The following MAP2K6 variants were observed in gnomAD, a reference collection of about 807,000 sequenced individuals.
MAP2K6 encodes the protein dual specificity mitogen-activated protein kinase kinase 6.
Under a neutral mutation model 53.7 loss-of-function variants are expected in MAP2K6, and 16 were observed. The observed-to-expected ratio is 0.30, with a 90% CI of 0.20 to 0.45. MAP2K6 has a LOEUF of 0.45. Among genes scored for constraint, MAP2K6 ranks in the 20% least tolerant of loss-of-function variants. The pLI is 1.00. For missense variants in MAP2K6, 204 were observed against 411.9 expected (o/e 0.50, Z 4.37); for synonymous variants, 132 against 143.1 (o/e 0.92, Z 0.55).
chr17:69,524,759 G>A lies in MAP2K6; in HGVS notation c.664-142G>A, dbSNP rs1910673979. ...ATTGATATTTGTTGTAGTTAACCGG[G>A]TCTTCTTGGCCTTGGTGGCATGTTA... On this transcript the variant is annotated intron_variant, in intron 8 of 11. Transcript: ENST00000590474. The A allele has an allele frequency of 9.2e-6, 5 of 544,918 alleles. 1 individual carries two copies. The East Asian group carries it at 1.5e-4, about 16-fold the overall frequency. 33.8% of individuals were successfully genotyped at this position (544,918 alleles called of 1,614,324 possible).
Position 69,505,799 on chromosome 17 carries a change from C to G in MAP2K6, c.36C>G (p.Gly12=). 1.2e-6 allele frequency: 2 copies of G among 1,613,888 alleles called. No individual in the cohort carries two copies. The highest frequency in any genetic ancestry group is 1.7e-6 in the Non-Finnish European group (2 of 1,179,810). ...SQSKGKKRNP[G]LKIPKEAFEQ... ...CCATAGGCAAGAAGCGAAACCCTGG[C>G]CTTAAAATTCCAAAAGAAGCATTTG... The change falls in exon 2 of 12, where the codon GGC becomes GGG. Residue 12 remains glycine (G), a synonymous_variant. Transcript: ENST00000590474.
chr17:69,439,361 T>C (rs1214991422), intron 1 of MAP2K6, among the ~76,000 whole-genome samples: 2 of 152,318 alleles, frequency 1.3e-5, no homozygotes, highest in Middle Eastern at 3.4e-3. Flanking sequence ...CCCATCTCTC[T>C]CTCTGTATGT....
chr17:69,520,617 G>A (rs1910415364), intron 6 of MAP2K6: 2 of 491,354 alleles, frequency 4.1e-6, no homozygotes, highest in Non-Finnish European at 7.1e-6. Flanking sequence ...TCTAAGTGCT[G>A]CATTCATCAG....
At chr17:69,508,230 T>C (rs1394236947) in intron 2 of MAP2K6, among the ~76,000 whole-genome samples, 2 of 150,846 alleles carry the variant, frequency 1.3e-5, no homozygotes, top group African/African-American at 4.9e-5. Context: ...TTTTTTTTTT[T>C]CTTTTTTTGG....
intron 1 of MAP2K6, among the ~76,000 whole-genome samples, chr17:69,451,542 C>A (rs1186434933): frequency 6.6e-6 from 1 of 152,064 alleles, no homozygotes; most frequent in Non-Finnish European, 1.5e-5. Context: ...GGAAAGAGAC[C>A]CAAGAGGGGA....
intron 1 of MAP2K6, among the ~76,000 whole-genome samples, chr17:69,473,183 T>G (rs895252457): frequency 2.6e-5 from 4 of 152,214 alleles, no homozygotes; most frequent in Non-Finnish European, 5.9e-5. Flanking sequence ...TATATGTTGT[T>G]TTGCTTAAAG....
chr17:69,482,861 T>A (rs1165200914), intron 1 of MAP2K6, among the ~76,000 whole-genome samples: 1 of 152,072 alleles, frequency 6.6e-6, no homozygotes, highest in Non-Finnish European at 1.5e-5. Context: ...TTGCCAAGCG[T>A]TCCTTCAAAG....
rs1406590855 is a variant in MAP2K6, at chr17:69,459,008, C to G, written c.16+44008C>G. Reference sequence around the variant, plus strand: ...TTGTATTTGGTTCTAACCTCCTTTGCTGGTGTGCAAAGTTGAACATGAATA... The same window carrying G: ...TTGTATTTGGTTCTAACCTCCTTTGGTGGTGTGCAAAGTTGAACATGAATA... On this transcript the variant is annotated intron_variant, in intron 1 of 11. Coordinates refer to ENST00000590474, the MANE Select transcript of MAP2K6 (RefSeq NM_002758.4). Among the ~76,000 whole-genome samples the G allele has an allele frequency of 3.3e-5, 5 of 152,290 alleles. No homozygotes were observed. In the South Asian group the frequency reaches 8.3e-4, roughly 25 times the overall value.
intron 1 of MAP2K6, among the ~76,000 whole-genome samples, chr17:69,499,952 G>A (rs767750451): frequency 6.6e-6 from 1 of 152,154 alleles, no homozygotes; most frequent in African/African-American, 2.4e-5. Context: ...GGAATGTGTG[G>A]ATAGTAATCC....
chr17:69,502,415 C>T (rs1567842520), intron 1 of MAP2K6: 1 of 985,250 alleles, frequency 1.0e-6, no homozygotes, highest in Non-Finnish European at 1.2e-6. Flanking sequence ...CAGAGATGGG[C>T]AAGTAAGCGA....
At chr17:69,518,438 A>T (rs1910287663) in intron 4 of MAP2K6, among the ~76,000 whole-genome samples, 1 of 152,184 alleles carries the variant, frequency 6.6e-6, no homozygotes, top group East Asian at 1.9e-4. Context: ...TTGGGAGAGA[A>T]AATTGTCTCC....
chr17:69,486,839 G>C (rs1288914560), intron 1 of MAP2K6, among the ~76,000 whole-genome samples: 1 of 152,196 alleles, frequency 6.6e-6, no homozygotes, highest in Non-Finnish European at 1.5e-5. Flanking sequence ...GACCTTATCT[G>C]TAAAGCTGGT....
At chr17:69,517,720 T>C in intron 4 of MAP2K6, 107 bp downstream of exon 4, 1 of 593,260 alleles carries the variant, frequency 1.7e-6, no homozygotes, top group Non-Finnish European at 2.6e-6. Flanking sequence ...TTCCGTAGGG[T>C]AAAACAGAAA....
intron 1 of MAP2K6, among the ~76,000 whole-genome samples, chr17:69,456,437 A>C (rs1907413506): frequency 6.6e-6 from 1 of 152,194 alleles, no homozygotes; most frequent in Non-Finnish European, 1.5e-5. Flanking sequence ...GAAATCATTG[A>C]TTCTAGAGAT....
rs370072461 is a variant in MAP2K6, at chr17:69,506,421, TTA to T, written c.83+577_83+578del. 1.7e-4 allele frequency among the ~76,000 whole-genome samples: 25 copies of T among 144,506 alleles called. No individual in the cohort carries two copies. In the South Asian group the frequency reaches 4.7e-3, roughly 27 times the overall value. 94.8% of individuals were successfully genotyped at this position (144,506 alleles called of 152,430 possible). On this transcript the variant is annotated intron_variant, in intron 2 of 11. Transcript: ENST00000590474. ...TGTCTCCTTCTTGTTTTTTTTTTTT[TTA>T]TTTTTATTTTTTATCTGTCTCTGTG...
intron 1 of MAP2K6, among the ~76,000 whole-genome samples, chr17:69,427,714 A>G (rs1906318236): frequency 6.6e-6 from 1 of 152,232 alleles, no homozygotes; most frequent in Non-Finnish European, 1.5e-5. Context: ...GTGGTTAAAG[A>G]TAACATATGA....
chr17:69,439,124 A>G (rs1469055000), intron 1 of MAP2K6, among the ~76,000 whole-genome samples: 1 of 152,228 alleles, frequency 6.6e-6, no homozygotes, highest in East Asian at 1.9e-4. Flanking sequence ...GTTATCATTC[A>G]TAAAATGGAG....
chr17:69,484,754 A>G (rs573775250), intron 1 of MAP2K6, among the ~76,000 whole-genome samples: 11 of 152,168 alleles, frequency 7.2e-5, no homozygotes, highest in Non-Finnish European at 1.6e-4. Context: ...GGAAGGAAGA[A>G]TTACTGATAC....
At position 69,549,216 on chromosome 17, in the gene MAP2K6, A is replaced by C. The variant is rs544010468; in HGVS notation, c.*7463A>C. The C allele has an allele frequency of 6.6e-6, 1 of 152,162 alleles. No individual in the cohort carries two copies. The highest frequency in any genetic ancestry group is 1.5e-5 in the Non-Finnish European group (1 of 68,022). The allele number at this position is 152,162 out of a possible 1,614,324, so 9.4% of individuals were successfully genotyped here. On this transcript the variant is annotated 3_prime_UTR_variant, in exon 12 of 12. Coordinates refer to ENST00000590474, the MANE Select transcript of MAP2K6 (RefSeq NM_002758.4). ...GTATGAACAGAATTTTTTTGTGAAC[A>C]GTTAATCTTGATGTGCTCCATAGCT...
Sources: gnomAD v4.1 joint callset for allele counts (sites outside exome capture counted in the v4.1 genomes callset) on GRCh38, gnomAD v4.1.1 for gene constraint, MANE v1.5 for transcripts, NCBI Gene and HGNC (gene_info 2026-07-23, HGNC 2026-07-21) for gene names.